The following IL1RAPL2 variants were observed in gnomAD, a reference collection of about 807,000 sequenced individuals.
The protein encoded by IL1RAPL2 is interleukin 1 receptor accessory protein like 2.
A neutral mutation model predicts 44.1 loss-of-function variants in IL1RAPL2; 3 were observed. That is an observed-to-expected ratio of 0.07 (90% CI 0.03 to 0.18). The LOEUF is 0.18. IL1RAPL2 is among the 10% of genes least tolerant of loss of function. The probability of loss-of-function intolerance (pLI) is 1.00; values close to 1 mark genes in which losing one functional copy is unlikely to be tolerated. For synonymous variants in IL1RAPL2, 181 were observed against 178.8 expected, an observed-to-expected ratio of 1.01 and a Z score of -0.10; for missense variants, 391 against 496.4, an observed-to-expected ratio of 0.79 and a Z score of 2.02.
chrX:105,040,052 C>T (rs2031699144), intron 2 of IL1RAPL2, among the ~76,000 whole-genome samples: 1 of 110,437 alleles, frequency 9.1e-6, no homozygotes, highest in Non-Finnish European at 1.9e-5. Flanking sequence ...TGAGATATGT[C>T]CCATCAGTAC....
chrX:105,481,711 A>T (rs2036233919), intron 5 of IL1RAPL2, among the ~76,000 whole-genome samples: 1 of 112,792 alleles, frequency 8.9e-6, no homozygotes, highest in Non-Finnish European at 1.9e-5. Context: ...TTGGATGTGT[A>T]AGGTAAATTG....
At chrX:105,097,339 A>AAAAAAAAC (rs1197100568) in intron 2 of IL1RAPL2, among the ~76,000 whole-genome samples, 19 of 105,434 alleles carry the variant, frequency 1.8e-4, no homozygotes, top group African/African-American at 6.2e-4. Context: ...ACAAAAAAAA[A>AAAAAAAAC]AAAAAAAAAA....
rs1399880200 is a variant in IL1RAPL2, at chrX:105,343,381, C to T, written c.697+75840C>T. On this transcript the variant is annotated intron_variant, in intron 5 of 10. Transcript: ENST00000372582. Reference sequence around the variant, plus strand: ...CTTTTATTAATATTTTGATGTATTTCATTTCAGTCTTTTTTTCTATCCATA... The same window carrying T: ...CTTTTATTAATATTTTGATGTATTTTATTTCAGTCTTTTTTTCTATCCATA... Among the ~76,000 whole-genome samples, 10 of 112,161 alleles carry T rather than the reference C, an allele frequency of 8.9e-5. No homozygotes were observed. In the Admixed American group the frequency reaches 9.5e-4, roughly 11 times the overall value.
intron 4 of IL1RAPL2, among the ~76,000 whole-genome samples, chrX:105,251,375 T>G (rs2034267570): frequency 9.0e-6 from 1 of 110,580 alleles, no homozygotes; most frequent in Non-Finnish European, 1.9e-5. Context: ...CTGTGCCTTC[T>G]GTCATAACCA....
intron 2 of IL1RAPL2, among the ~76,000 whole-genome samples, chrX:104,669,251 A>G (rs945184670): frequency 1.8e-5 from 2 of 111,682 alleles, no homozygotes; most frequent in Non-Finnish European, 3.8e-5. Flanking sequence ...AAACCAATCC[A>G]GACTGATACA....
chrX:105,221,602 G>A (rs2033965344), intron 3 of IL1RAPL2, among the ~76,000 whole-genome samples: 1 of 111,684 alleles, frequency 9.0e-6, no homozygotes, highest in African/African-American at 3.3e-5. Flanking sequence ...TCACTTGACT[G>A]CCTGTAATTA....
chrX:105,028,757 C>A (rs938823819), intron 2 of IL1RAPL2, among the ~76,000 whole-genome samples: 1 of 110,324 alleles, frequency 9.1e-6, no homozygotes, highest in Non-Finnish European at 1.9e-5. Context: ...AATATAAGGG[C>A]ATATCAAAGA....
chrX:105,298,474 A>G (rs1219036136), intron 5 of IL1RAPL2, among the ~76,000 whole-genome samples: 2 of 111,440 alleles, frequency 1.8e-5, no homozygotes, highest in Non-Finnish European at 3.8e-5. Context: ...ACCATATACT[A>G]AGACGGGGAG....
intron 2 of IL1RAPL2, among the ~76,000 whole-genome samples, chrX:105,194,895 T>C (rs1335758483): frequency 1.8e-5 from 2 of 111,548 alleles, no homozygotes; most frequent in Non-Finnish European, 3.8e-5. Context: ...CCACCACTTA[T>C]TAGCTGTGCG....
chrX:104,621,466 G>C (rs1929399918), intron 1 of IL1RAPL2, among the ~76,000 whole-genome samples: 2 of 108,013 alleles, frequency 1.9e-5, no homozygotes, highest in South Asian at 8.4e-4. Context: ...TGAGAAAGTG[G>C]TGCAGCAGGG....
intron 6 of IL1RAPL2, among the ~76,000 whole-genome samples, chrX:105,624,941 G>A (rs2037443306): frequency 8.9e-6 from 1 of 112,195 alleles, no homozygotes; most frequent in Non-Finnish European, 1.9e-5. Flanking sequence ...ATGGGCAGTA[G>A]ATACTAAATA....
intron 2 of IL1RAPL2, among the ~76,000 whole-genome samples, chrX:104,688,129 A>C (rs1320650267): frequency 1.8e-5 from 2 of 111,465 alleles, no homozygotes; most frequent in African/African-American, 6.5e-5. Flanking sequence ...TTTCAGACTA[A>C]TTCCTGCTCG....
chrX:104,948,577 T>C (rs1211991394), intron 2 of IL1RAPL2, among the ~76,000 whole-genome samples: 1 of 109,701 alleles, frequency 9.1e-6, no homozygotes, highest in African/African-American at 3.3e-5. Flanking sequence ...CTCTTATTAT[T>C]TTGAAATACG....
intron 6 of IL1RAPL2, among the ~76,000 whole-genome samples, chrX:105,605,587 A>C (rs1244646264): frequency 1.8e-5 from 2 of 111,795 alleles, no homozygotes; most frequent in Non-Finnish European, 3.8e-5. Context: ...TCACAGAAAT[A>C]TTTTTTAAAA....
intron 3 of IL1RAPL2, among the ~76,000 whole-genome samples, chrX:105,216,363 A>G (rs1484300354): frequency 4.4e-4 from 49 of 110,977 alleles, no homozygotes; most frequent in Non-Finnish European, 1.5e-4. Context: ...ATTCACAATG[A>G]CTACAAAGAG....
At chrX:105,510,858 C>T (rs1417310262) in intron 6 of IL1RAPL2, among the ~76,000 whole-genome samples, 2 of 111,550 alleles carry the variant, frequency 1.8e-5, no homozygotes, top group African/African-American at 3.3e-5. Flanking sequence ...ATTTTCGCCC[C>T]AGACTTGTGA....
At chrX:105,204,191 G>A (rs1250048858) in intron 3 of IL1RAPL2, among the ~76,000 whole-genome samples, 2 of 111,678 alleles carry the variant, frequency 1.8e-5, no homozygotes, top group African/African-American at 3.3e-5. Flanking sequence ...GAGTACATTT[G>A]AGCATTCAGT....
Position 105,218,222 on chromosome X carries a change from C to G in IL1RAPL2, c.357-15596C>G, listed in dbSNP as rs187892893. On this transcript the variant is annotated intron_variant, in intron 3 of 10. Coordinates refer to ENST00000372582, the MANE Select transcript of IL1RAPL2 (RefSeq NM_017416.2). ...GTGGTTGTGCTGCTGCTCTCTCCATCTCTCTGGAGTCACAGGATGATTCCT... is the reference window on the plus strand; with the variant it reads ...GTGGTTGTGCTGCTGCTCTCTCCATGTCTCTGGAGTCACAGGATGATTCCT... Among the ~76,000 whole-genome samples, 16 of 111,591 alleles carry G rather than the reference C, an allele frequency of 1.4e-4. No individual in the cohort carries two copies. The East Asian group carries it at 2.5e-3, about 18-fold the overall frequency.
chrX:105,446,328 A>G (rs1029333372), intron 5 of IL1RAPL2, among the ~76,000 whole-genome samples: 3 of 110,529 alleles, frequency 2.7e-5, no homozygotes, highest in African/African-American at 9.9e-5. Context: ...ATAGAGTCTT[A>G]TTTTTCCATC....
Sources: gnomAD v4.1 joint callset for allele counts (sites outside exome capture counted in the v4.1 genomes callset) on GRCh38, gnomAD v4.1.1 for gene constraint, MANE v1.5 for transcripts, NCBI Gene and HGNC (gene_info 2026-07-23, HGNC 2026-07-21) for gene names.